The following MYOF variants were observed in gnomAD, a reference collection of about 807,000 sequenced individuals.
MYOF encodes fer-1-like 3, myoferlin.
Under a neutral mutation model 284.2 loss-of-function variants are expected in MYOF, and 244 were observed. The observed-to-expected ratio is 0.86, with a 90% CI of 0.77 to 0.95. MYOF has a LOEUF of 0.95. MYOF is among the 40% of genes least tolerant of loss of function. The pLI is 0.00. For synonymous variants in MYOF, 904 were observed against 919.7 expected (o/e 0.98, Z 0.31); for missense variants, 2,496 against 2,560.6 (o/e 0.97, Z 0.54).
chr10:93,405,818 G>A (rs1346414327), intron 7 of MYOF, among the ~76,000 whole-genome samples: 2 of 58,844 alleles, frequency 3.4e-5, no homozygotes, highest in Non-Finnish European at 7.0e-5. Flanking sequence ...TTTTTTTTTT[G>A]ACGGAGTCTC....
intron 49 of MYOF, among the ~76,000 whole-genome samples, chr10:93,318,048 T>G (rs954596113): frequency 2.0e-5 from 3 of 151,948 alleles, no homozygotes; most frequent in African/African-American, 7.3e-5. Context: ...TAGATGTGGG[T>G]AAACAGGAAA....
intron 3 of MYOF, among the ~76,000 whole-genome samples, chr10:93,436,748 C>T (rs567614668): frequency 1.7e-4 from 26 of 152,268 alleles, no homozygotes; most frequent in Admixed American, 1.4e-3. Context: ...GACTTGGCCT[C>T]TTACACAGGG....
chr10:93,319,809 T>C (rs1589381070), intron 49 of MYOF, 63 bp downstream of exon 49: 1 of 1,603,276 alleles, frequency 6.2e-7, no homozygotes, highest in Non-Finnish European at 8.5e-7. Context: ...CAGCATTCTA[T>C]GAGCTTCTGA....
intron 31 of MYOF, 105 bp downstream of exon 31, chr10:93,355,523 C>T (rs1459375255): frequency 1.6e-5 from 13 of 796,272 alleles, no homozygotes; most frequent in East Asian, 5.5e-5. Flanking sequence ...GAGGTTGCAG[C>T]GAGCCAAGAT....
chr10:93,472,324 C>G (rs2057166044), intron 1 of MYOF, among the ~76,000 whole-genome samples: 1 of 152,178 alleles, frequency 6.6e-6, no homozygotes, highest in Non-Finnish European at 1.5e-5. Context: ...GGTGGGAATG[C>G]AAAATGGTGC....
chr10:93,366,042 C>G (rs1014132048), intron 26 of MYOF, among the ~76,000 whole-genome samples: 1 of 148,822 alleles, frequency 6.7e-6, no homozygotes, highest in South Asian at 2.1e-4. Context: ...GTGAAACTGA[C>G]GGGGGACCTT....
chr10:93,333,865 GGGCT>G lies in MYOF; in HGVS notation c.4608_4611del (p.Ala1537LeufsTer26). 6.2e-7 allele frequency: 1 copy of G among 1,614,076 alleles called. No homozygotes were observed. Among genetic ancestry groups the G allele is most frequent in the Non-Finnish European group, 8.5e-7 (1 of 1,180,020 alleles). On this transcript the variant is annotated frameshift_variant, in exon 42 of 54. Transcript: ENST00000359263. LOFTEE classifies it high-confidence loss of function. ...GGTAATTCCCGAAACTGTCTGGGAG[GGGCT>G]GGCACGCTGGGGTCATCCGGCAGAG... is the stretch of plus-strand genomic sequence containing the variant.
chr10:93,474,300 T>C (rs1286683217), intron 1 of MYOF, among the ~76,000 whole-genome samples: 1 of 152,134 alleles, frequency 6.6e-6, no homozygotes, highest in African/African-American at 2.4e-5. Flanking sequence ...GGTTGATGAG[T>C]AAAGTTCAAT....
At chr10:93,321,114 G>T (rs142867344) in intron 48 of MYOF, among the ~76,000 whole-genome samples, 1 of 152,076 alleles carries the variant, frequency 6.6e-6, no homozygotes, top group African/African-American at 2.4e-5. Flanking sequence ...CAACAACTGC[G>T]TAACTATCTC....
In MYOF at chr10:93,409,522, A is replaced by T. The variant is rs1469040916; in HGVS notation, c.600+51T>A. 6 of 1,581,734 alleles carry T rather than the reference A, an allele frequency of 3.8e-6. No individual in the cohort carries two copies. The African/African-American group carries it at 6.8e-5, about 18-fold the overall frequency. On this transcript the variant is annotated intron_variant, in intron 6 of 53. Coordinates refer to ENST00000359263, the MANE Select transcript of MYOF (RefSeq NM_013451.4). ...GAAACATCACTGCAATTGCCAGAAG[A>T]TGGGCAATATAAAGATTAAACAAAG...
At chr10:93,474,692 T>C (rs1403666716) in intron 1 of MYOF, among the ~76,000 whole-genome samples, 1 of 152,342 alleles carries the variant, frequency 6.6e-6, no homozygotes, top group Non-Finnish European at 1.5e-5. Context: ...TGTACATTAA[T>C]TTAATCCTCA....
In MYOF at chr10:93,427,499, C is replaced by A. The variant is rs562405144; in HGVS notation, c.346-1341G>T. On this transcript the variant is annotated intron_variant, in intron 4 of 53. Transcript: ENST00000359263. ...TGAGCCAAGATCGTGCCACTGCACT[C>A]CAGCCTGCGTGACAGAGCTAGACTC... Among the ~76,000 whole-genome samples, 16 of 140,694 alleles carry A rather than the reference C, an allele frequency of 1.1e-4. 1 individual carries two copies. The South Asian group carries it at 3.6e-3, about 32-fold the overall frequency. 92.3% of individuals were successfully genotyped at this position (140,694 alleles called of 152,430 possible).
At chr10:93,422,770 TG>T (rs1291406968) in intron 5 of MYOF, among the ~76,000 whole-genome samples, 2 of 152,266 alleles carry the variant, frequency 1.3e-5, no homozygotes, top group African/African-American at 4.8e-5. Context: ...CACTCCGGCC[TG>T]GGTGACAAAG....
intron 53 of MYOF, among the ~76,000 whole-genome samples, 163 bp from the exon 54 acceptor site, chr10:93,307,164 C>T (rs1287291309): frequency 3.3e-5 from 5 of 149,752 alleles, no homozygotes; most frequent in African/African-American, 1.2e-4. Flanking sequence ...TTTCACTGGC[C>T]TCTACCCACC....
intron 21 of MYOF, 63 bp downstream of exon 21, chr10:93,379,800 T>C (rs771971355): frequency 1.8e-5 from 28 of 1,596,198 alleles, no homozygotes; most frequent in Non-Finnish European, 2.1e-5. Flanking sequence ...TGGCCTGGCC[T>C]CCATCCTAAT....
intron 26 of MYOF, among the ~76,000 whole-genome samples, chr10:93,365,462 G>GA (rs1485420098): frequency 6.6e-6 from 1 of 152,048 alleles, no homozygotes; most frequent in Non-Finnish European, 1.5e-5. Context: ...TCACATATAT[G>GA]AAATTCATCC....
intron 37 of MYOF, among the ~76,000 whole-genome samples, chr10:93,346,269 C>T (rs1442912962): frequency 6.6e-6 from 1 of 152,242 alleles, no homozygotes; most frequent in African/African-American, 2.4e-5. Context: ...CAGACCTACA[C>T]AGCAGATGAA....
intron 7 of MYOF, 66 bp from the exon 8 acceptor site, chr10:93,404,285 T>A (rs1847444102): frequency 6.5e-7 from 1 of 1,527,090 alleles, no homozygotes; most frequent in Non-Finnish European, 9.0e-7. Flanking sequence ...AATCTGATAC[T>A]ATAATTTTGG....
chr10:93,341,970 C>G, intron 38 of MYOF: 1 of 1,289,758 alleles, frequency 7.8e-7, no homozygotes, highest in South Asian at 1.2e-5. Context: ...TGCTTAAGCA[C>G]TGGAATTGGA....
Sources: allele counts gnomAD v4.1 joint callset (sites outside exome capture counted in the v4.1 genomes callset), GRCh38; gene constraint gnomAD v4.1.1; transcripts MANE v1.5; gene names NCBI Gene and HGNC (gene_info 2026-07-23, HGNC 2026-07-21).